Variants in GSN observed in about 807,000 individuals in gnomAD.
The protein encoded by GSN is actin-depolymerizing factor.
GSN carries 56 observed loss-of-function variants against 85.7 expected under a neutral mutation model. The ratio of observed to expected loss-of-function variants is 0.65; its 90% CI spans 0.53 to 0.82. GSN has a LOEUF of 0.82. Ranked by LOEUF, GSN falls within the 40% of genes least tolerant of loss-of-function variation. GSN has a pLI of 0.00. For missense variants in GSN, 857 were observed against 979.8 expected (o/e 0.87, Z 1.67); for synonymous variants, 373 against 399.1 (o/e 0.93, Z 0.78).
intron 1 of GSN, among the ~76,000 whole-genome samples, chr9:121,273,885 C>T (rs948093711): frequency 7.9e-5 from 12 of 152,182 alleles, no homozygotes; most frequent in Admixed American, 6.5e-4. Flanking sequence ...AGGATTTGCC[C>T]AAGATCACCC....
chr9:121,215,340 T>C (rs1455250318), intron 4 of GSN, among the ~76,000 whole-genome samples: 1 of 152,080 alleles, frequency 6.6e-6, no homozygotes, highest in African/African-American at 2.4e-5. Context: ...CATATCATTT[T>C]TTTTTCTTTT....
At chr9:121,237,229 A>G (rs1434267283) in intron 5 of GSN, among the ~76,000 whole-genome samples, 4 of 152,342 alleles carry the variant, frequency 2.6e-5, no homozygotes, top group East Asian at 1.9e-4. Flanking sequence ...TCTTTTGCTC[A>G]TCTATTTATT....
chr9:121,310,028 A>G (rs188852395), intron 4 of GSN: 10 of 153,690 alleles, frequency 6.5e-5, no homozygotes, highest in African/African-American at 2.4e-4. Flanking sequence ...GAAGGAAGGA[A>G]AGGAAAGAGA....
chr9:121,211,559 A>T (rs2053968273), intron 4 of GSN, among the ~76,000 whole-genome samples: 1 of 152,134 alleles, frequency 6.6e-6, no homozygotes, highest in South Asian at 2.1e-4. Flanking sequence ...TCTGGCTGGG[A>T]TAGGGGTAAG....
intron 2 of GSN, among the ~76,000 whole-genome samples, chr9:121,301,402 G>C (rs1403846445): frequency 6.6e-6 from 1 of 152,164 alleles, no homozygotes; most frequent in Non-Finnish European, 1.5e-5. Flanking sequence ...CAAGGCAGGT[G>C]GATCACCTGA....
At chr9:121,211,976 G>A (rs774382888) in intron 4 of GSN, among the ~76,000 whole-genome samples, 87 of 152,220 alleles carry the variant, frequency 5.7e-4, no homozygotes, top group Non-Finnish European at 1.0e-3. Context: ...AGGAGAGGCC[G>A]CTGGGTTAAC....
In GSN at chr9:121,332,568, C is replaced by T. The variant is rs1304671346; in HGVS notation, c.2161C>T (p.Pro721Ser). Residue 721 changes from proline (P) to serine (S), a missense_variant, in exon 18 of 18, where the codon CCC becomes TCC. Coordinates refer to ENST00000432226, the MANE Select transcript of GSN (RefSeq NM_198252.3). This position sits in a 1 kb window ranked among gnomAD's most constrained non-coding sequence, Gnocchi z 4.8. ...GGATGATGATTACTGGTCTGTGGAC[C>T]CCTTGGACAGGGCCATGGCTGAGCT... ...GWDDDYWSVD[P>S]LDRAMAELAA is the part of the protein sequence containing the mutation. 1.2e-6 allele frequency: 2 copies of T among 1,613,878 alleles called. No individual in the cohort carries two copies. The highest frequency in any genetic ancestry group is 1.7e-5 in the Admixed American group (1 of 60,004).
chr9:121,236,990 TTTTC>T (rs2054507987), intron 5 of GSN, among the ~76,000 whole-genome samples: 1 of 152,218 alleles, frequency 6.6e-6, no homozygotes, highest in African/African-American at 2.4e-5. Flanking sequence ...GGCTATAGGT[TTTTC>T]TTTCTTCTTT....
At chr9:121,247,179 C>T (rs1266870344) in intron 5 of GSN, among the ~76,000 whole-genome samples, 3 of 152,162 alleles carry the variant, frequency 2.0e-5, no homozygotes, top group African/African-American at 4.8e-5. Context: ...AGGGTGCTCA[C>T]AGGGGCTTGC....
chr9:121,325,601 G>A (rs1399152229), intron 12 of GSN, among the ~76,000 whole-genome samples: 1 of 152,134 alleles, frequency 6.6e-6, no homozygotes, highest in Non-Finnish European at 1.5e-5. Context: ...GGGCAGCAGA[G>A]CTGGTTTGTG....
At chr9:121,323,801 T>C (rs998110770) in intron 11 of GSN, among the ~76,000 whole-genome samples, 2 of 152,218 alleles carry the variant, frequency 1.3e-5, no homozygotes, top group Non-Finnish European at 2.9e-5. Context: ...CTTAACACTT[T>C]TAAAGGGTAC....
At chr9:121,322,515 A>C in intron 11 of GSN, among the ~76,000 whole-genome samples, 1 of 152,242 alleles carries the variant, frequency 6.6e-6, no homozygotes, top group Admixed American at 6.5e-5. Context: ...ACCTTAAACA[A>C]ACATCACTTT....
intron 6 of GSN, among the ~76,000 whole-genome samples, chr9:121,248,729 G>C (rs983117684): frequency 1.3e-5 from 2 of 152,162 alleles, no homozygotes; most frequent in African/African-American, 4.8e-5. Flanking sequence ...GGCATCCTAG[G>C]CAGAGGGAAC....
intron 11 of GSN, among the ~76,000 whole-genome samples, chr9:121,324,064 C>T (rs182111773): frequency 3.3e-5 from 5 of 152,282 alleles, no homozygotes; most frequent in African/African-American, 1.2e-4. Flanking sequence ...CTAAATCTTC[C>T]CTCTAAGAGC....
chr9:121,239,444 A>T, intron 5 of GSN: 1 of 387,696 alleles, frequency 2.6e-6, no homozygotes, highest in South Asian at 2.3e-5. Context: ...TTAGCAGCAA[A>T]TACAATTGGA....
upstream of GSN, among the ~76,000 whole-genome samples, chr9:121,204,192 C>T (rs1038710276): frequency 1.3e-5 from 2 of 152,178 alleles, no homozygotes; most frequent in Admixed American, 6.5e-5. Flanking sequence ...TTACCACATC[C>T]GCATGAAGTC....
At chr9:121,324,746 T>A (rs1247430742) in intron 12 of GSN, 102 bp downstream of exon 12, 4 of 700,706 alleles carry the variant, frequency 5.7e-6, no homozygotes, top group Non-Finnish European at 1.0e-5. Context: ...TCCATCTGTC[T>A]GTCTGTCCAT....
At chr9:121,313,078 G>A (rs2061353728) in intron 6 of GSN, 3 of 154,194 alleles carry the variant, frequency 1.9e-5, no homozygotes, top group Admixed American at 1.9e-4. Context: ...CCAGTGGGGA[G>A]GGCCAGGTCC....
At chr9:121,253,668 T>C (rs903814114) in intron 6 of GSN, among the ~76,000 whole-genome samples, 1 of 152,182 alleles carries the variant, frequency 6.6e-6, no homozygotes, top group Admixed American at 6.5e-5. Flanking sequence ...TGAAACAAAG[T>C]GTGTAGATGA....
Sources: allele counts gnomAD v4.1 joint callset (sites outside exome capture counted in the v4.1 genomes callset), GRCh38; gene constraint gnomAD v4.1.1; non-coding constraint Gnocchi (gnomAD v3.1); transcripts MANE v1.5; gene names NCBI Gene and HGNC (gene_info 2026-07-23, HGNC 2026-07-21).